The following RALGAPB variants were observed in gnomAD, a reference collection of about 807,000 sequenced individuals.
RALGAPB encodes ral GTPase-activating protein subunit beta.
Under a neutral mutation model 161.1 loss-of-function variants are expected in RALGAPB, and 25 were observed. The observed-to-expected ratio is 0.16, with a 90% CI of 0.11 to 0.22. RALGAPB has a LOEUF of 0.22. Ranked by LOEUF, RALGAPB falls within the 10% of genes least tolerant of loss-of-function variation. RALGAPB has a pLI of 1.00. For synonymous variants in RALGAPB, 629 were observed against 626.1 expected, an observed-to-expected ratio of 1.00 and a Z score of -0.07; for missense variants, 1,391 against 1,815.2, an observed-to-expected ratio of 0.77 and a Z score of 4.25.
In RALGAPB at chr20:38,513,399, G is replaced by A. The variant is rs369148011; in HGVS notation, c.873-2793G>A. 8.2e-4 allele frequency among the ~76,000 whole-genome samples: 124 copies of A among 151,572 alleles called. 2 individuals are homozygous for A. The highest frequency in any genetic ancestry group is 7.3e-3 in the South Asian group (35 of 4,776). On this transcript the variant is annotated intron_variant, in intron 6 of 29. Transcript: ENST00000262879. ...CATGCCTGTAATCCCAGCTACTTGGGAGGCTGAGGCAGGAGAATCGCTTGA... is the reference window on the plus strand; with the variant it reads ...CATGCCTGTAATCCCAGCTACTTGGAAGGCTGAGGCAGGAGAATCGCTTGA...
intron 1 of RALGAPB, among the ~76,000 whole-genome samples, chr20:38,476,573 GGAGA>G (rs2084809490): frequency 6.6e-6 from 1 of 152,092 alleles, no homozygotes; most frequent in African/African-American, 2.4e-5. Flanking sequence ...ATAGGGAAGG[GGAGA>G]GAGTGATCTG....
rs199575817 is a variant in RALGAPB, at chr20:38,524,913, T to A, written c.1755T>A (p.Phe585Leu). Reference sequence around the variant, plus strand: ...GGATTGATGTTGTGGTTCCTTACTTTATTTCAGCTCTTGAAACCATTTTGC... The same window carrying A: ...GGATTGATGTTGTGGTTCCTTACTTAATTTCAGCTCTTGAAACCATTTTGC... ...LKGIDVVVPY[F>L]ISALETILPD... The change falls in exon 11 of 30, where the codon TTT becomes TTA. Residue 585 changes from phenylalanine (F) to leucine (L), a missense_variant. This residue lies in a region of RALGAPB where 946 missense variants were observed against 1,257.2 expected (regional missense o/e 0.75). Coordinates refer to ENST00000262879, the MANE Select transcript of RALGAPB (RefSeq NM_020336.4). 51 of 1,611,636 alleles carry A rather than the reference T, an allele frequency of 3.2e-5. No homozygotes were observed. Among genetic ancestry groups the A allele is most frequent in the Non-Finnish European group, 4.2e-5 (49 of 1,177,718 alleles).
intron 10 of RALGAPB, among the ~76,000 whole-genome samples, chr20:38,524,347 T>C (rs1328613027): frequency 1.3e-5 from 2 of 152,224 alleles, no homozygotes; most frequent in Non-Finnish European, 2.9e-5. Flanking sequence ...CATTTTTCTC[T>C]TACGGAATTT....
intron 2 of RALGAPB, among the ~76,000 whole-genome samples, chr20:38,492,079 A>G (rs1353060476): frequency 1.3e-5 from 2 of 152,234 alleles, no homozygotes; most frequent in African/African-American, 4.8e-5. Context: ...TGGATTTATA[A>G]TTGGTCAAGA....
chr20:38,526,125 G>A, intron 13 of RALGAPB, 83 bp downstream of exon 13: 1 of 1,463,356 alleles, frequency 6.8e-7, no homozygotes, highest in Non-Finnish European at 9.4e-7. Flanking sequence ...GTCGGTAATG[G>A]GAGCCTAAAC....
chr20:38,509,345 A>G (rs1277594609), intron 6 of RALGAPB, 137 bp downstream of exon 6: 1 of 987,118 alleles, frequency 1.0e-6, no homozygotes, highest in Non-Finnish European at 1.5e-6. Context: ...GCTGGACAAC[A>G]AGCACATTTC....
chr20:38,533,067 G>A lies in RALGAPB; in HGVS notation c.2245+208G>A, dbSNP rs188747556. The stretch of plus-strand genomic sequence containing the variant: ...TGGGTAGTATATTAGATTTGGGGTA[G>A]TATATTAGGTTTTATAATTGATAGT... On this transcript the variant is annotated intron_variant, in intron 15 of 29. Transcript: ENST00000262879. Among the ~76,000 whole-genome samples the A allele has an allele frequency of 5.2e-3, 794 of 152,206 alleles. 3 individuals are homozygous for A. The highest frequency in any genetic ancestry group is 8.0e-3 in the Admixed American group (122 of 15,290).
chr20:38,545,552 A>G (rs1382594839), intron 18 of RALGAPB, among the ~76,000 whole-genome samples: 3 of 152,176 alleles, frequency 2.0e-5, no homozygotes, highest in East Asian at 1.9e-4. Context: ...CTCAACTCTC[A>G]GCTTGAATGG....
intron 1 of RALGAPB, among the ~76,000 whole-genome samples, chr20:38,473,463 T>C (rs1036868511): frequency 1.3e-5 from 2 of 152,154 alleles, no homozygotes; most frequent in Non-Finnish European, 2.9e-5. Context: ...AGTGACACTT[T>C]GATGAGGGAG....
rs6026113 is a variant in RALGAPB at position 38,499,587 on chromosome 20, G to C, written c.694G>C (p.Ala232Pro). ...GGTGGCTAACTGGAGGCATCACCCA[G>C]CAGTGGTGGAGCAGTGGAGCAAGGT... ...EMVANWRHHP[A>P]VVEQWSKVIC... is the part of the protein sequence containing the mutation. The change falls in exon 5 of 30, where the codon GCA (alanine) becomes CCA (proline). Residue 232 changes from alanine (A) to proline (P), a missense_variant. Coordinates refer to ENST00000262879, the MANE Select transcript of RALGAPB (RefSeq NM_020336.4). 6.2e-7 allele frequency: 1 copy of C among 1,613,832 alleles called. No individual in the cohort carries two copies. The highest frequency in any genetic ancestry group is 1.3e-5 in the African/African-American group (1 of 74,878).
rs775433339 is a variant in RALGAPB, at chr20:38,525,404, A to G, written c.1788A>G (p.Arg596=). The change falls in exon 12 of 30, where the codon AGA becomes AGG. Residue 596 remains arginine (R), a splice_region_variant and synonymous_variant. Transcript: ENST00000262879. ...CTAATAGCTTTTTATTTTTTGGCAGAGAACTCTCAAAATTCAAAAGCTATG... is the reference window on the plus strand; with the variant it reads ...CTAATAGCTTTTTATTTTTTGGCAGGGAACTCTCAAAATTCAAAAGCTATG... ...ISALETILPD[R]ELSKFKSYVN... 8 of 1,574,550 alleles carry G rather than the reference A, an allele frequency of 5.1e-6. No homozygotes were observed. Among genetic ancestry groups the G allele is most frequent in the East Asian group, 2.2e-5 (1 of 44,568 alleles).
At chr20:38,558,165 G>C (rs1471521227) in intron 22 of RALGAPB, 130 bp from the exon 23 acceptor site, 1 of 718,924 alleles carries the variant, frequency 1.4e-6, no homozygotes, top group East Asian at 3.3e-5. Context: ...TAGGATTATG[G>C]TTGTGTTTAT....
At chr20:38,513,077 A>T (rs1170855010) in intron 6 of RALGAPB, among the ~76,000 whole-genome samples, 8 of 152,076 alleles carry the variant, frequency 5.3e-5, no homozygotes, top group East Asian at 3.9e-4. Flanking sequence ...AAAAATTTTT[A>T]AAAATATAGG....
Position 38,521,698 on chromosome 20 carries a change from G to T in RALGAPB, c.1619G>T (p.Arg540Ile). The T allele has an allele frequency of 6.2e-7, 1 of 1,612,348 alleles. No individual in the cohort carries two copies. The highest frequency in any genetic ancestry group is 1.1e-5 in the South Asian group (1 of 90,706). Residue 540 changes from arginine to isoleucine, a missense_variant and splice_region_variant, in exon 10 of 30, where the codon AGA (arginine) becomes ATA (isoleucine). Arg to Ile is a moderately conservative substitution (Grantham distance 97). This residue lies in a region of RALGAPB where 946 missense variants were observed against 1,257.2 expected (regional missense o/e 0.75). Coordinates refer to ENST00000262879, the MANE Select transcript of RALGAPB (RefSeq NM_020336.4). ...GAGATTCTGCCAGCTTATTTATCCA[G>T]GTCTTGGAATTTTTGTTTGTTTTTT... Reference protein sequence around the residue: ...GEEILPAYLSRFYMLLIQGLQ... With the variant: ...GEEILPAYLSIFYMLLIQGLQ...
intron 5 of RALGAPB, among the ~76,000 whole-genome samples, chr20:38,500,598 G>T (rs1303574): frequency 0.75 from 114,151 of 152,048 alleles, 43,619 homozygotes; most frequent in East Asian, 0.91. Flanking sequence ...CCTCAAAGTG[G>T]TCGAGTGAAA....
intron 13 of RALGAPB, among the ~76,000 whole-genome samples, chr20:38,530,453 G>A (rs1302789188): frequency 6.6e-6 from 1 of 151,492 alleles, no homozygotes; most frequent in African/African-American, 2.4e-5. Context: ...ACAGGGTCTT[G>A]CTTTGTTGCC....
chr20:38,473,805 CAG>C (rs2084721863), intron 1 of RALGAPB, among the ~76,000 whole-genome samples: 2 of 152,220 alleles, frequency 1.3e-5, no homozygotes, highest in South Asian at 4.1e-4. Context: ...CCAAAACAAT[CAG>C]AATGTCTGGA....
rs1260837371 is a variant in RALGAPB at position 38,530,892 on chromosome 20, T to C, written c.2051-275T>C. Among the ~76,000 whole-genome samples, 4 of 26,682 alleles carry C rather than the reference T, an allele frequency of 1.5e-4. 1 individual carries two copies. The highest frequency in any genetic ancestry group is 1.3e-3 in the Non-Finnish European group (4 of 2,970). The allele number at this position is 26,682 out of a possible 152,430, so 17.5% of individuals were successfully genotyped here. ...AGGCATGAACCACTGTGCCTGGCCA[T>C]TTTTTTTTTTTTTTAATATTTCTAG... On this transcript the variant is annotated intron_variant, in intron 13 of 29. Coordinates refer to ENST00000262879, the MANE Select transcript of RALGAPB (RefSeq NM_020336.4).
At chr20:38,561,832 C>G (rs191911721) in intron 23 of RALGAPB, among the ~76,000 whole-genome samples, 1 of 152,274 alleles carries the variant, frequency 6.6e-6, no homozygotes, top group East Asian at 1.9e-4. Flanking sequence ...TGTAGTGTGC[C>G]TCACCAGTTA....
Sources: allele counts gnomAD v4.1 joint callset (sites outside exome capture counted in the v4.1 genomes callset), GRCh38; gene constraint gnomAD v4.1.1; regional missense constraint gnomAD v4.1.1; transcripts MANE v1.5; gene names NCBI Gene and HGNC (gene_info 2026-07-23, HGNC 2026-07-21).